Variants in CLVS1 observed in about 807,000 individuals in gnomAD.
CLVS1 encodes clavesin-1.
In CLVS1, 10 loss-of-function variants were observed where a neutral mutation model predicts 33.1. That is an observed-to-expected ratio of 0.30 (90% CI 0.19 to 0.51). The LOEUF (loss-of-function observed/expected upper bound fraction) is 0.51. CLVS1 is among the 20% of genes least tolerant of loss of function. CLVS1 has a pLI of 0.97. For synonymous variants in CLVS1, 163 were observed against 166.1 expected, an observed-to-expected ratio of 0.98 and a Z score of 0.14; for missense variants, 343 against 433.4, an observed-to-expected ratio of 0.79 and a Z score of 1.85.
chr8:61,449,141 A>G (rs1462249015), intron 3 of CLVS1, among the ~76,000 whole-genome samples: 1 of 152,092 alleles, frequency 6.6e-6, no homozygotes, highest in African/African-American at 2.4e-5. Flanking sequence ...CTCTGTTGAC[A>G]CCCAAGTAGG....
At chr8:61,140,759 G>A (rs1806293442) in intron 2 of CLVS1, among the ~76,000 whole-genome samples, 1 of 151,992 alleles carries the variant, frequency 6.6e-6, no homozygotes, top group Non-Finnish European at 1.5e-5. Flanking sequence ...GTAGAGATGG[G>A]GTTTCACCGT....
chr8:61,052,121 T>C, the CLVS1 span, among the ~76,000 whole-genome samples: 9 of 152,124 alleles, frequency 5.9e-5, no homozygotes, highest in East Asian at 1.9e-4. Context: ...GGGAGACAGA[T>C]TGGAAGACTG....
chr8:61,304,131 G>A (rs965332841), intron 2 of CLVS1, among the ~76,000 whole-genome samples: 2 of 152,220 alleles, frequency 1.3e-5, no homozygotes, highest in African/African-American at 4.8e-5. Context: ...TTCTCACCAG[G>A]GGCCTGAGAT....
intron 2 of CLVS1, among the ~76,000 whole-genome samples, chr8:61,192,677 A>T (rs1449312043): frequency 3.9e-5 from 6 of 152,322 alleles, no homozygotes; most frequent in East Asian, 1.9e-4. Context: ...TTACAAGAAA[A>T]AAACAAACAA....
intron 2 of CLVS1, among the ~76,000 whole-genome samples, chr8:61,210,348 G>T (rs1328823471): frequency 6.6e-6 from 1 of 152,236 alleles, no homozygotes; most frequent in Non-Finnish European, 1.5e-5. Context: ...AACTGCCGAT[G>T]TCTTGGTCTT....
At chr8:61,259,574 C>CA (rs1340557296) in intron 2 of CLVS1, among the ~76,000 whole-genome samples, 1 of 152,158 alleles carries the variant, frequency 6.6e-6, no homozygotes, top group Non-Finnish European at 1.5e-5. Context: ...GCTTTTAGGA[C>CA]AAAATCGAAG....
At chr8:61,036,596 C>T in the CLVS1 span, among the ~76,000 whole-genome samples, 1 of 152,204 alleles carries the variant, frequency 6.6e-6, no homozygotes, top group African/African-American at 2.4e-5. Flanking sequence ...TCTTCCCTCT[C>T]CCTCCTTCCT....
intron 3 of CLVS1, among the ~76,000 whole-genome samples, chr8:61,405,862 ACCC>A (rs1814966119): frequency 6.6e-6 from 1 of 151,706 alleles, no homozygotes; most frequent in Non-Finnish European, 1.5e-5. Context: ...GATAGTTTTG[ACCC>A]TGTGGCACCT....
At chr8:61,101,703 A>G (rs953966708) in intron 1 of CLVS1, among the ~76,000 whole-genome samples, 1 of 151,958 alleles carries the variant, frequency 6.6e-6, no homozygotes, top group Non-Finnish European at 1.5e-5. Context: ...ACAAATATTT[A>G]CCCTTAGGTT....
intron 5 of CLVS1, among the ~76,000 whole-genome samples, chr8:61,461,568 C>T (rs553613988): frequency 9.5e-4 from 145 of 152,334 alleles, no homozygotes; most frequent in African/African-American, 3.4e-3. Flanking sequence ...GAAGACCCCT[C>T]ATAGACCATG....
chr8:61,106,067 G>A (rs1805531980), intron 1 of CLVS1, among the ~76,000 whole-genome samples: 1 of 152,162 alleles, frequency 6.6e-6, no homozygotes, highest in African/African-American at 2.4e-5. Flanking sequence ...TTATTTGCCT[G>A]ACTACCCTAC....
chr8:61,351,773 G>T (rs931626147), intron 2 of CLVS1, among the ~76,000 whole-genome samples: 7 of 150,466 alleles, frequency 4.7e-5, no homozygotes, highest in African/African-American at 1.5e-4. Flanking sequence ...GAAGGAGGAG[G>T]TACAACATTT....
At chr8:60,973,721 C>T in the CLVS1 span, among the ~76,000 whole-genome samples, 1 of 152,158 alleles carries the variant, frequency 6.6e-6, no homozygotes, top group Non-Finnish European at 1.5e-5. Context: ...CATGGAATGC[C>T]CCCGGAAGGA....
At chr8:61,099,424 T>C (rs1805409412) in intron 1 of CLVS1, among the ~76,000 whole-genome samples, 1 of 152,096 alleles carries the variant, frequency 6.6e-6, no homozygotes, top group African/African-American at 2.4e-5. Context: ...TTAACAAATA[T>C]TTTTCGAGTA....
intron 5 of CLVS1, among the ~76,000 whole-genome samples, chr8:61,493,422 G>C (rs941299864): frequency 9.9e-5 from 15 of 152,178 alleles, no homozygotes; most frequent in Non-Finnish European, 2.1e-4. Flanking sequence ...TGTATACCCA[G>C]CTGACACAGA....
At chr8:61,172,646 A>G (rs997841958) in intron 2 of CLVS1, among the ~76,000 whole-genome samples, 4 of 152,226 alleles carry the variant, frequency 2.6e-5, no homozygotes, top group Non-Finnish European at 5.9e-5. Flanking sequence ...TACAGAGGGT[A>G]TCTTCAACTG....
intron 2 of CLVS1, among the ~76,000 whole-genome samples, chr8:61,371,101 A>C (rs544870260): frequency 1.3e-5 from 2 of 152,202 alleles, no homozygotes; most frequent in African/African-American, 4.8e-5. Context: ...GTACTAGTTT[A>C]CATTCCCACC....
At chr8:61,015,607 A>T in the CLVS1 span, among the ~76,000 whole-genome samples, 1 of 152,230 alleles carries the variant, frequency 6.6e-6, no homozygotes, top group Non-Finnish European at 1.5e-5. Flanking sequence ...TTTCTGGAAG[A>T]GCTTCACCAT....
At chr8:61,049,118 T>C in the CLVS1 span, among the ~76,000 whole-genome samples, 1 of 152,196 alleles carries the variant, frequency 6.6e-6, no homozygotes, top group South Asian at 2.1e-4. Flanking sequence ...TAAACTGTAA[T>C]GTATAGCCTG....
Sources: gnomAD v4.1 joint callset for allele counts (sites outside exome capture counted in the v4.1 genomes callset) on GRCh38, gnomAD v4.1.1 for gene constraint, MANE v1.5 for transcripts, NCBI Gene and HGNC (gene_info 2026-07-23, HGNC 2026-07-21) for gene names.